The following GAP43 variants were observed in gnomAD, a reference collection of about 807,000 sequenced individuals.
GAP43 encodes the protein neuromodulin.
A neutral mutation model predicts 18.6 loss-of-function variants in GAP43; 6 were observed. That is an observed-to-expected ratio of 0.32 (90% CI 0.18 to 0.64). GAP43 has a LOEUF of 0.64. Ranked by LOEUF, GAP43 falls within the 30% of genes least tolerant of loss-of-function variation. The probability of loss-of-function intolerance (pLI) is 0.78; values close to 1 mark genes in which losing one functional copy is unlikely to be tolerated. For missense variants in GAP43, 292 were observed against 295.5 expected (o/e 0.99, Z 0.09); for synonymous variants, 115 against 111.4 (o/e 1.03, Z -0.20).
At chr3:115,704,563 TA>T (rs1316670184) in intron 2 of GAP43, among the ~76,000 whole-genome samples, 2 of 152,106 alleles carry the variant, frequency 1.3e-5, no homozygotes, top group Non-Finnish European at 2.9e-5. Context: ...CCAGAGTATC[TA>T]AAATTACTTT....
At chr3:115,627,232 C>T (rs1359281892) in intron 1 of GAP43, among the ~76,000 whole-genome samples, 3 of 146,756 alleles carry the variant, frequency 2.0e-5, no homozygotes, top group Non-Finnish European at 4.5e-5. Flanking sequence ...CTCTATAATT[C>T]CTTCTAACCC....
intron 2 of GAP43, among the ~76,000 whole-genome samples, chr3:115,692,630 C>T (rs932640038): frequency 1.3e-5 from 2 of 152,090 alleles, no homozygotes; most frequent in East Asian, 1.9e-4. Flanking sequence ...GTGAGGATAC[C>T]GGCCTTAGTA....
intron 1 of GAP43, among the ~76,000 whole-genome samples, chr3:115,651,226 A>C (rs1708515608): frequency 6.6e-6 from 1 of 152,172 alleles, no homozygotes; most frequent in South Asian, 2.1e-4. Context: ...GCCCTCAGTA[A>C]ATGAAGCATG....
intron 1 of GAP43, among the ~76,000 whole-genome samples, chr3:115,626,435 T>C (rs1708189269): frequency 6.6e-6 from 1 of 152,124 alleles, no homozygotes; most frequent in Non-Finnish European, 1.5e-5. Flanking sequence ...CTATTAGCCA[T>C]TAGTTATCAC....
intron 2 of GAP43, among the ~76,000 whole-genome samples, chr3:115,708,940 G>GTTTTTTTT (rs3086974): frequency 1.0e-5 from 1 of 99,808 alleles, no homozygotes; most frequent in African/African-American, 4.1e-5. Context: ...AACTGGCTGG[G>GTTTTTTTT]TTTTTTTTTT....
At chr3:115,637,813 T>C (rs76485511) in intron 1 of GAP43, among the ~76,000 whole-genome samples, 6,179 of 152,074 alleles carry the variant, frequency 0.041, 203 homozygotes, top group East Asian at 0.12. Context: ...TGCTCCCAAA[T>C]CTCTTCCCCT....
At chr3:115,662,781 G>A (rs1708680803) in intron 1 of GAP43, among the ~76,000 whole-genome samples, 1 of 152,082 alleles carries the variant, frequency 6.6e-6, no homozygotes. Context: ...AGAGGGTTGT[G>A]GCATGTCTCA....
intron 2 of GAP43, among the ~76,000 whole-genome samples, chr3:115,705,816 C>T (rs1330522835): frequency 2.0e-5 from 3 of 152,100 alleles, no homozygotes; most frequent in Non-Finnish European, 4.4e-5. Context: ...ATCAAATACA[C>T]GAGGTATAAT....
chr3:115,708,176 A>C (rs755586059), intron 2 of GAP43, among the ~76,000 whole-genome samples: 3 of 152,244 alleles, frequency 2.0e-5, no homozygotes, highest in Admixed American at 6.5e-5. Context: ...TTGAGAAGTT[A>C]GTCCACAGTC....
intron 1 of GAP43, among the ~76,000 whole-genome samples, chr3:115,630,537 G>A (rs1206170682): frequency 1.3e-5 from 2 of 152,150 alleles, no homozygotes; most frequent in African/African-American, 4.8e-5. Context: ...AAACACTCTT[G>A]CCAGACGCTA....
At chr3:115,698,039 T>C (rs1478797888) in intron 2 of GAP43, among the ~76,000 whole-genome samples, 8 of 71,262 alleles carry the variant, frequency 1.1e-4, no homozygotes, top group Non-Finnish European at 1.6e-4. Flanking sequence ...ATATAAAATA[T>C]ATATTATATA....
chr3:115,642,495 G>GTA (rs920570856), intron 1 of GAP43, among the ~76,000 whole-genome samples: 1 of 151,354 alleles, frequency 6.6e-6, no homozygotes, highest in African/African-American at 2.4e-5. Context: ...TTAAAAGTCT[G>GTA]TATTCTAGAA....
intron 2 of GAP43, among the ~76,000 whole-genome samples, chr3:115,703,497 T>A (rs1709322825): frequency 6.6e-6 from 1 of 152,142 alleles, no homozygotes; most frequent in South Asian, 2.1e-4. Flanking sequence ...GCTGTCCCTC[T>A]GCCTGGGGTA....
At chr3:115,641,636 C>A (rs919977543) in intron 1 of GAP43, among the ~76,000 whole-genome samples, 1 of 151,932 alleles carries the variant, frequency 6.6e-6, no homozygotes, top group Non-Finnish European at 1.5e-5. Context: ...AATGCTTGCA[C>A]ATACTGGGTC....
In GAP43 at chr3:115,711,509, A is replaced by AC. The variant is rs1221590587; in HGVS notation, c.629-9284dup. ...AAGTTCTAAATACACACACACACACACACCCCCCTACAGAAAGGAGGAAAA... is the reference window on the plus strand; with the variant it reads ...AAGTTCTAAATACACACACACACACACCACCCCCCTACAGAAAGGAGGAAAA... On this transcript the variant is annotated intron_variant, in intron 2 of 2. Transcript: ENST00000305124. Among the ~76,000 whole-genome samples, 35 of 150,570 alleles carry AC rather than the reference A, an allele frequency of 2.3e-4. 1 individual carries two copies. The highest frequency in any genetic ancestry group is 6.3e-4 in the South Asian group (3 of 4,746).
chr3:115,690,065 T>A (rs960684660), intron 2 of GAP43, among the ~76,000 whole-genome samples: 1 of 152,248 alleles, frequency 6.6e-6, no homozygotes, highest in Non-Finnish European at 1.5e-5. Flanking sequence ...CCTTCCTTGC[T>A]GGTAAAAGAT....
intron 1 of GAP43, among the ~76,000 whole-genome samples, chr3:115,671,974 A>G (rs1708819391): frequency 1.3e-5 from 2 of 152,214 alleles, no homozygotes; most frequent in Non-Finnish European, 2.9e-5. Context: ...ATGTGGGTAG[A>G]CACAGTATCC....
At chr3:115,625,839 A>T (rs879889629) in intron 1 of GAP43, among the ~76,000 whole-genome samples, 1 of 152,210 alleles carries the variant, frequency 6.6e-6, no homozygotes, top group Non-Finnish European at 1.5e-5. Flanking sequence ...CACATACTTC[A>T]TATGCTACAG....
intron 1 of GAP43, among the ~76,000 whole-genome samples, chr3:115,663,250 A>G (rs576496859): frequency 1.6e-4 from 25 of 152,348 alleles, no homozygotes; most frequent in African/African-American, 5.8e-4. Flanking sequence ...AAAAAGGAAC[A>G]CGAATAGTTG....
Sources: gnomAD v4.1 joint callset for allele counts (sites outside exome capture counted in the v4.1 genomes callset) on GRCh38, gnomAD v4.1.1 for gene constraint, MANE v1.5 for transcripts, NCBI Gene and HGNC (gene_info 2026-07-23, HGNC 2026-07-21) for gene names.